FOXP1: variants seen among roughly 807,000 people sequenced by gnomAD.
FOXP1 encodes forkhead box protein P1.
Under a neutral mutation model 98.2 loss-of-function variants are expected in FOXP1, and 15 were observed. The observed-to-expected ratio is 0.15, with a 90% CI of 0.10 to 0.24. FOXP1 has a LOEUF of 0.24. Ranked by LOEUF, FOXP1 falls within the 10% of genes least tolerant of loss-of-function variation. The pLI is 1.00. For synonymous variants in FOXP1, 371 were observed against 314.5 expected, an observed-to-expected ratio of 1.18 and a Z score of -1.90; for missense variants, 633 against 848.5, an observed-to-expected ratio of 0.75 and a Z score of 3.15.
At chr3:71,051,377 G>A (rs1036784902) in intron 9 of FOXP1, among the ~76,000 whole-genome samples, 27 of 152,138 alleles carry the variant, frequency 1.8e-4, no homozygotes, top group African/African-American at 6.5e-4. Context: ...ACTCCAGGGT[G>A]AAAACTTGGC....
At chr3:71,406,403 GTGTATATA>G (rs1259024369) in intron 3 of FOXP1, among the ~76,000 whole-genome samples, 1,614 of 107,962 alleles carry the variant, frequency 0.015, 163 homozygotes, top group African/African-American at 0.046. Context: ...ATAACTGTAT[GTGTATATA>G]TATATATATA....
At chr3:71,439,289 T>C (rs1450601185) in intron 3 of FOXP1, among the ~76,000 whole-genome samples, 1 of 152,202 alleles carries the variant, frequency 6.6e-6, no homozygotes, top group Non-Finnish European at 1.5e-5. Flanking sequence ...TGAAAACCTT[T>C]CTGTGTGTCC....
At chr3:71,547,205 T>A (rs775977541) in intron 2 of FOXP1, among the ~76,000 whole-genome samples, 2 of 152,212 alleles carry the variant, frequency 1.3e-5, no homozygotes, top group Non-Finnish European at 2.9e-5. Flanking sequence ...CTTAGGTAGT[T>A]TAGGAAAGGT....
intron 5 of FOXP1, among the ~76,000 whole-genome samples, chr3:71,295,134 T>C (rs954324262): frequency 2.6e-5 from 4 of 152,216 alleles, no homozygotes; most frequent in African/African-American, 9.7e-5. Flanking sequence ...TTTCAATGCT[T>C]AACTGAATTG....
At chr3:71,020,533 C>A (rs1299352140) in intron 11 of FOXP1, among the ~76,000 whole-genome samples, 1 of 152,206 alleles carries the variant, frequency 6.6e-6, no homozygotes, top group Non-Finnish European at 1.5e-5. Flanking sequence ...ATAAGGACAA[C>A]TTCTCAACTC....
chr3:71,198,346 G>A lies in FOXP1; in HGVS notation c.36C>T (p.Asn12=), dbSNP rs759226701. Residue 12 remains asparagine (N), a synonymous_variant, in exon 6 of 21, where the codon AAC becomes AAT. Transcript: ENST00000649528. ...MQESGTETKS[N]GSAIQNGSGG... The stretch of plus-strand genomic sequence containing the variant: ...CCGACCCATTCTGGATGGCTGAACC[G>A]TTACTTTTTGTCTCAGTCCCAGATT... 10 of 1,409,852 alleles carry A rather than the reference G, an allele frequency of 7.1e-6. No individual in the cohort carries two copies. Among genetic ancestry groups the A allele is most frequent in the South Asian group, 3.4e-5 (3 of 88,576 alleles). 87.3% of individuals were successfully genotyped at this position (1,409,852 alleles called of 1,614,324 possible). A position where few individuals can be genotyped will look rare whatever the true frequency, so the allele number is the denominator to read the frequency against.
intron 6 of FOXP1, among the ~76,000 whole-genome samples, chr3:71,166,098 CACTT>C (rs2061384922): frequency 6.6e-6 from 1 of 152,190 alleles, no homozygotes; most frequent in Non-Finnish European, 1.5e-5. Flanking sequence ...CTCTGAGAAA[CACTT>C]AAGAAGACAG....
At chr3:71,537,091 G>A (rs2044360452) in intron 2 of FOXP1, among the ~76,000 whole-genome samples, 2 of 152,168 alleles carry the variant, frequency 1.3e-5, no homozygotes, top group South Asian at 4.1e-4. Flanking sequence ...GGTGCCACTG[G>A]GGTTTTAACT....
At chr3:71,088,043 C>T (rs1275798667) in intron 7 of FOXP1, among the ~76,000 whole-genome samples, 2 of 152,168 alleles carry the variant, frequency 1.3e-5, no homozygotes, top group Non-Finnish European at 2.9e-5. Context: ...GGCTGTAAGA[C>T]TATGGTCAAA....
At chr3:71,063,392 A>C (rs2051817362) in intron 7 of FOXP1, among the ~76,000 whole-genome samples, 2 of 152,236 alleles carry the variant, frequency 1.3e-5, no homozygotes, top group Admixed American at 6.5e-5. Context: ...ATCAAACCCT[A>C]AACTAGAATC....
intron 6 of FOXP1, among the ~76,000 whole-genome samples, chr3:71,148,789 C>T (rs191968011): frequency 7.0e-4 from 106 of 152,210 alleles, no homozygotes; most frequent in African/African-American, 2.1e-3. Flanking sequence ...GGGAGGGTCA[C>T]CAAACTAGAG....
At chr3:71,168,131 A>G (rs1280851475) in intron 6 of FOXP1, among the ~76,000 whole-genome samples, 3 of 152,212 alleles carry the variant, frequency 2.0e-5, no homozygotes, top group Non-Finnish European at 4.4e-5. Context: ...AATGACGTTA[A>G]AATTGTTTAT....
chr3:71,301,092 A>C (rs1576854986), intron 4 of FOXP1, among the ~76,000 whole-genome samples: 1 of 152,158 alleles, frequency 6.6e-6, no homozygotes, highest in Non-Finnish European at 1.5e-5. Context: ...GTGAAATCAT[A>C]ATTTTCATGT....
At chr3:70,974,745 A>G (rs958462048) in intron 17 of FOXP1, among the ~76,000 whole-genome samples, 1 of 152,216 alleles carries the variant, frequency 6.6e-6, no homozygotes, top group Non-Finnish European at 1.5e-5. Context: ...TATAACTTGA[A>G]AAGAAGTCAA....
intron 3 of FOXP1, among the ~76,000 whole-genome samples, chr3:71,364,953 T>C (rs2078816589): frequency 6.6e-6 from 1 of 152,242 alleles, no homozygotes; most frequent in Non-Finnish European, 1.5e-5. Flanking sequence ...ACTTTTTCTG[T>C]AAAGGAACAC....
At chr3:71,577,683 G>A (rs1470507020) in intron 2 of FOXP1, among the ~76,000 whole-genome samples, 1 of 151,828 alleles carries the variant, frequency 6.6e-6, no homozygotes, top group African/African-American at 2.4e-5. Context: ...TGACAAGAAA[G>A]ATCATTAAAA....
rs1291780992 is a variant in FOXP1 at position 71,282,887 on chromosome 3, G to A, written c.-12+16933C>T. On this transcript the variant is annotated intron_variant, in intron 5 of 20. Coordinates refer to ENST00000649528, the MANE Select transcript of FOXP1 (RefSeq NM_001349338.3). ...CAAGTCCATTCCCGCCTGGAGACAT[G>A]CTAGTACCAAACAACAAGCTATACC... is the stretch of plus-strand genomic sequence containing the variant. Among the ~76,000 whole-genome samples, 4 of 152,286 alleles carry A rather than the reference G, an allele frequency of 2.6e-5. No homozygotes were observed. The East Asian group carries it at 7.7e-4, about 29-fold the overall frequency.
At chr3:70,973,743 T>C (rs1249086015) in intron 17 of FOXP1, among the ~76,000 whole-genome samples, 1 of 151,796 alleles carries the variant, frequency 6.6e-6, no homozygotes, top group Non-Finnish European at 1.5e-5. Flanking sequence ...GGTGACTCAA[T>C]TGGGGCTTGA....
At chr3:71,456,348 T>C (rs1381213769) in intron 3 of FOXP1, among the ~76,000 whole-genome samples, 2 of 152,204 alleles carry the variant, frequency 1.3e-5, no homozygotes, top group African/African-American at 2.4e-5. Flanking sequence ...ACTTTCAATA[T>C]TGCAGAAGCA....
Sources: allele counts gnomAD v4.1 joint callset (sites outside exome capture counted in the v4.1 genomes callset), GRCh38; gene constraint gnomAD v4.1.1; transcripts MANE v1.5; gene names NCBI Gene and HGNC (gene_info 2026-07-23, HGNC 2026-07-21).